BARX2: variants seen among roughly 807,000 people sequenced by gnomAD.
BARX2 encodes homeobox protein BarH-like 2.
Under a neutral mutation model 25.5 loss-of-function variants are expected in BARX2, and 11 were observed. The observed-to-expected ratio is 0.43, with a 90% confidence interval of 0.27 to 0.71. The LOEUF (loss-of-function observed/expected upper bound fraction) is 0.71, where lower values mean the gene tolerates loss of function less well. BARX2 is among the 30% of genes least tolerant of loss of function. The probability of loss-of-function intolerance (pLI) is 0.19; values close to 1 mark genes in which losing one functional copy is unlikely to be tolerated. For missense variants in BARX2, 360 were observed against 359.9 expected (o/e 1.00, Z 0.00); for synonymous variants, 137 against 149.5 (o/e 0.92, Z 0.61).
intron 1 of BARX2, among the ~76,000 whole-genome samples, chr11:129,384,629 A>G (rs1419798841): frequency 1.3e-5 from 2 of 152,214 alleles, no homozygotes; most frequent in Admixed American, 6.5e-5. Context: ...ACTTATAGAC[A>G]ATGGAATGCT....
chr11:129,401,560 C>G (rs2093451074), intron 1 of BARX2, among the ~76,000 whole-genome samples: 1 of 152,186 alleles, frequency 6.6e-6, no homozygotes, highest in African/African-American at 2.4e-5. Flanking sequence ...GAGCAACTAA[C>G]TCCAGCCTGC....
intron 1 of BARX2, among the ~76,000 whole-genome samples, chr11:129,429,564 A>C (rs1862106530): frequency 6.6e-6 from 1 of 152,128 alleles, no homozygotes; most frequent in Non-Finnish European, 1.5e-5. Context: ...AAAATAAATT[A>C]ATGTCAATAG....
intron 1 of BARX2, among the ~76,000 whole-genome samples, chr11:129,382,900 T>G (rs905253649): frequency 1.3e-5 from 2 of 152,132 alleles, no homozygotes; most frequent in African/African-American, 2.4e-5. Context: ...AAGAGAAGCA[T>G]TGAGGGCATT....
chr11:129,443,334 G>A (rs1414602284), intron 3 of BARX2, among the ~76,000 whole-genome samples: 2 of 152,064 alleles, frequency 1.3e-5, no homozygotes, highest in African/African-American at 4.8e-5. Flanking sequence ...CTACCTGCTA[G>A]CCTTTTCAAA....
intron 2 of BARX2, among the ~76,000 whole-genome samples, chr11:129,438,875 G>A (rs1382582982): frequency 1.3e-5 from 2 of 152,314 alleles, no homozygotes; most frequent in East Asian, 3.9e-4. Flanking sequence ...CTCAGAGGAG[G>A]TAACATTTAA....
chr11:129,390,787 C>G lies in BARX2; in HGVS notation c.187+14565C>G, dbSNP rs1026738070. ...GGCCTGGCCAGCCACACAGGTAGCC[C>G]AATCATCATATGTATTAATGGTGCA... On this transcript the variant is annotated intron_variant, in intron 1 of 3. Coordinates refer to ENST00000281437, the MANE Select transcript of BARX2 (RefSeq NM_003658.5). This position sits in a 1 kb window ranked among gnomAD's most constrained non-coding sequence, Gnocchi z 4.3. Among the ~76,000 whole-genome samples the G allele has an allele frequency of 2.0e-5, 3 of 152,186 alleles. No individual in the cohort carries two copies. Among genetic ancestry groups the G allele is most frequent in the African/African-American group, 7.2e-5 (3 of 41,432 alleles).
chr11:129,437,213 C>T (rs1490867219), intron 2 of BARX2, 162 bp downstream of exon 2: 11 of 833,254 alleles, frequency 1.3e-5, no homozygotes, highest in East Asian at 9.0e-5. Context: ...TTAACAGAAC[C>T]CAGCCCACAT....
rs2135420406 is a variant in BARX2, at chr11:129,452,204, G to A, written c.*802G>A. On this transcript the variant is annotated 3_prime_UTR_variant, in exon 4 of 4. Transcript: ENST00000281437. ...ACCTTCGGCATAAATGGGTTAAGGT[G>A]CCATCCCTGAAACTGCAATGCAGAT... 6.6e-6 allele frequency: 1 copy of A among 152,202 alleles called. No individual in the cohort carries two copies. The highest frequency in any genetic ancestry group is 2.1e-4 in the South Asian group (1 of 4,810). The allele number at this position is 152,202 out of a possible 1,614,324, so 9.4% of individuals were successfully genotyped here. A position where few individuals can be genotyped will look rare whatever the true frequency, so the allele number is the denominator to read the frequency against.
At chr11:129,408,171 A>G (rs1203352877) in intron 1 of BARX2, among the ~76,000 whole-genome samples, 1 of 152,162 alleles carries the variant, frequency 6.6e-6, no homozygotes, top group Admixed American at 6.5e-5. Flanking sequence ...GACTAGAACA[A>G]TACATTTGGT....
At chr11:129,438,484 T>A (rs1230745863) in intron 2 of BARX2, among the ~76,000 whole-genome samples, 3 of 152,158 alleles carry the variant, frequency 2.0e-5, no homozygotes, top group Admixed American at 6.5e-5. Context: ...ACATACCAGG[T>A]TGGACACCAG....
chr11:129,441,813 A>G (rs1862263819), intron 2 of BARX2, among the ~76,000 whole-genome samples: 1 of 152,200 alleles, frequency 6.6e-6, no homozygotes, highest in African/African-American at 2.4e-5. Context: ...AGTTGCTGAG[A>G]GAGTCTAATC....
intron 1 of BARX2, among the ~76,000 whole-genome samples, chr11:129,402,348 C>T (rs916529964): frequency 1.3e-5 from 2 of 151,876 alleles, no homozygotes; most frequent in Non-Finnish European, 2.9e-5. Context: ...ATACTCACTA[C>T]ACAGGATTGT....
At chr11:129,407,647 T>C (rs1288909828) in intron 1 of BARX2, among the ~76,000 whole-genome samples, 1 of 152,184 alleles carries the variant, frequency 6.6e-6, no homozygotes, top group Non-Finnish European at 1.5e-5. Flanking sequence ...TTTGAGTACC[T>C]ACTAAATATG....
chr11:129,448,964 TA>T (rs1862362871), intron 3 of BARX2, among the ~76,000 whole-genome samples: 1 of 152,196 alleles, frequency 6.6e-6, no homozygotes, highest in Admixed American at 6.5e-5. Flanking sequence ...TCTGTTTATA[TA>T]AAATGTCCAA....
intron 1 of BARX2, among the ~76,000 whole-genome samples, chr11:129,419,709 C>A (rs1861982609): frequency 2.0e-5 from 3 of 151,998 alleles, no homozygotes. Flanking sequence ...TCTTGTGGAG[C>A]CTCTCTGCTT....
chr11:129,431,062 A>T (rs1288520519), intron 1 of BARX2, among the ~76,000 whole-genome samples: 1 of 152,076 alleles, frequency 6.6e-6, no homozygotes, highest in Non-Finnish European at 1.5e-5. Flanking sequence ...GGGTTTCGCC[A>T]TGTTGGCCAG....
rs74848046 is a variant in BARX2 at position 129,435,756 on chromosome 11, C to T, written c.188-995C>T. On this transcript the variant is annotated intron_variant, in intron 1 of 3. Coordinates refer to ENST00000281437, the MANE Select transcript of BARX2 (RefSeq NM_003658.5). Reference sequence around the variant, plus strand: ...TAAAATGATTCACATAGGTAATGATCCAGACATTTTAAGCTCTGTGTTGAA... The same window carrying T: ...TAAAATGATTCACATAGGTAATGATTCAGACATTTTAAGCTCTGTGTTGAA... Among the ~76,000 whole-genome samples, 103 of 152,300 alleles carry T rather than the reference C, an allele frequency of 6.8e-4. 1 individual carries two copies. The East Asian group carries it at 0.018, about 27-fold the overall frequency.
intron 1 of BARX2, among the ~76,000 whole-genome samples, chr11:129,405,456 C>T (rs1012554035): frequency 6.6e-6 from 1 of 152,338 alleles, no homozygotes; most frequent in Middle Eastern, 3.4e-3. Flanking sequence ...ATCTCCTTCA[C>T]TCCTTACCTC....
chr11:129,431,156 G>A lies in BARX2; in HGVS notation c.188-5595G>A, dbSNP rs191875928. On this transcript the variant is annotated intron_variant, in intron 1 of 3. Coordinates refer to ENST00000281437, the MANE Select transcript of BARX2 (RefSeq NM_003658.5). ...AATCGTTTTATTGCTTTATATTTCT[G>A]AGTAGTATTTCGTTGTGTGTCTGTA... Among the ~76,000 whole-genome samples, 181 of 152,266 alleles carry A rather than the reference G, an allele frequency of 1.2e-3. 1 individual carries two copies. Among genetic ancestry groups the A allele is most frequent in the South Asian group, 2.3e-3 (11 of 4,828 alleles).
Sources: gnomAD v4.1 joint callset for allele counts (sites outside exome capture counted in the v4.1 genomes callset) on GRCh38, gnomAD v4.1.1 for gene constraint, Gnocchi (gnomAD v3.1) non-coding constraint, MANE v1.5 for transcripts, NCBI Gene and HGNC (gene_info 2026-07-23, HGNC 2026-07-21) for gene names.